Variants in JMJD1C observed in about 807,000 individuals in gnomAD.
JMJD1C encodes the protein jumonji domain-containing protein 1C.
A neutral mutation model predicts 245.3 loss-of-function variants in JMJD1C; 31 were observed. That is an observed-to-expected ratio of 0.13 (90% CI 0.09 to 0.17). The LOEUF (loss-of-function observed/expected upper bound fraction) is 0.17. JMJD1C is among the 10% of genes least tolerant of loss of function. The pLI, the probability that JMJD1C is intolerant of heterozygous loss-of-function variation, is 1.00. For missense variants in JMJD1C, 2,691 were observed against 3,000.2 expected (o/e 0.90, Z 2.41); for synonymous variants, 1,057 against 1,017.4 (o/e 1.04, Z -0.74).
At chr10:63,470,884 TTCTC>T (rs1443374324), upstream of JMJD1C, among the ~76,000 whole-genome samples, 2 of 152,178 alleles carry the variant, frequency 1.3e-5, no homozygotes. Context: ...CAACATTCTC[TTCTC>T]TATTAAAAAC....
chr10:63,411,626 G>T (rs377474879), intron 1 of JMJD1C, among the ~76,000 whole-genome samples: 1 of 133,628 alleles, frequency 7.5e-6, no homozygotes, highest in Non-Finnish European at 1.6e-5. Context: ...TTTTTGAGGC[G>T]GAGTGTTACT....
chr10:63,205,048 C>G, intron 10 of JMJD1C: 1 of 984,306 alleles, frequency 1.0e-6, no homozygotes, highest in Non-Finnish European at 1.2e-6. Context: ...AAGAAATAAG[C>G]AAACTGAGAA....
At chr10:63,228,613 CA>C (rs1309933115) in intron 3 of JMJD1C, among the ~76,000 whole-genome samples, 2 of 152,136 alleles carry the variant, frequency 1.3e-5, no homozygotes. Context: ...AACAACAAAA[CA>C]GAACAACCAG....
intron 2 of JMJD1C, among the ~76,000 whole-genome samples, chr10:63,358,371 TATGAC>T (rs1945041308): frequency 6.6e-6 from 1 of 151,170 alleles, no homozygotes; most frequent in Non-Finnish European, 1.5e-5. Flanking sequence ...AACAATGAAA[TATGAC>T]ATAACAATTT....
chr10:63,263,793 G>A (rs1410801408), intron 3 of JMJD1C, among the ~76,000 whole-genome samples: 7 of 151,906 alleles, frequency 4.6e-5, no homozygotes, highest in African/African-American at 9.7e-5. Flanking sequence ...TTAGCTGGGC[G>A]TGGTGGTGTG....
At chr10:63,513,586 T>C (rs1329563278) in intron 1 of JMJD1C, among the ~76,000 whole-genome samples, 1 of 152,138 alleles carries the variant, frequency 6.6e-6, no homozygotes, top group African/African-American at 2.4e-5. Flanking sequence ...ATATCCAGAA[T>C]TGATAATGAA....
chr10:63,485,837 G>C (rs1472346107), intron 1 of JMJD1C, among the ~76,000 whole-genome samples: 1 of 152,154 alleles, frequency 6.6e-6, no homozygotes. Context: ...GCCAGGTACT[G>C]TTGCCTTGTA....
chr10:63,396,217 A>G (rs1011729087), intron 1 of JMJD1C, among the ~76,000 whole-genome samples: 3 of 152,194 alleles, frequency 2.0e-5, no homozygotes, highest in Admixed American at 6.5e-5. Flanking sequence ...TATACTATAC[A>G]TTCTAAATCT....
Position 63,191,005 on chromosome 10 carries a change from A to C in JMJD1C, c.6180T>G (p.Asn2060Lys). Residue 2060 changes from asparagine to lysine, a missense_variant, in exon 17 of 26, where the codon AAT becomes AAG. Asn to Lys is a moderately conservative substitution (Grantham distance 94). This residue lies in a region of JMJD1C where 275 missense variants were observed against 285.5 expected (regional missense o/e 0.96). Transcript: ENST00000399262. Reference sequence around the variant, plus strand: ...AATCCCGTAAGGTTGAGCCTTGTTCATTATTCTGGGACACAAGAGGTGATG... The same window carrying C: ...AATCCCGTAAGGTTGAGCCTTGTTCCTTATTCTGGGACACAAGAGGTGATG... ...GRTSPLVSQN[N>K]EQGSTLRDLL... The C allele has an allele frequency of 6.2e-7, 1 of 1,614,148 alleles. No individual in the cohort carries two copies. The highest frequency in any genetic ancestry group is 1.3e-5 in the African/African-American group (1 of 75,044).
At chr10:63,277,037 A>G (rs1856850519) in intron 2 of JMJD1C, among the ~76,000 whole-genome samples, 1 of 150,692 alleles carries the variant, frequency 6.6e-6, no homozygotes, top group African/African-American at 2.4e-5. Context: ...ACCCACCACC[A>G]CGCCCAGCTA....
Position 63,191,130 on chromosome 10 carries a change from A to G in JMJD1C, c.6077-22T>C, listed in dbSNP as rs537684174. 23 of 1,589,306 alleles carry G rather than the reference A, an allele frequency of 1.4e-5. No homozygotes were observed. The African/African-American group carries it at 3.0e-4, about 20-fold the overall frequency. On this transcript the variant is annotated intron_variant, in intron 16 of 25. Coordinates refer to ENST00000399262, the MANE Select transcript of JMJD1C (RefSeq NM_032776.3). Reference sequence around the variant, plus strand: ...TTTTCTGAAATAGAAAATTTCACAGATTTTGTTTTGTTTTGTTTTGAGACG... The same window carrying G: ...TTTTCTGAAATAGAAAATTTCACAGGTTTTGTTTTGTTTTGTTTTGAGACG...
At chr10:63,496,414 T>G (rs1340583066) in intron 1 of JMJD1C, among the ~76,000 whole-genome samples, 1 of 152,148 alleles carries the variant, frequency 6.6e-6, no homozygotes, top group East Asian at 1.9e-4. Context: ...TAGGGGTAGC[T>G]CTCCTCTTCC....
chr10:63,239,289 C>T (rs1048017760), intron 3 of JMJD1C, among the ~76,000 whole-genome samples: 2 of 152,128 alleles, frequency 1.3e-5, no homozygotes, highest in Non-Finnish European at 2.9e-5. Context: ...AACTGAAAGA[C>T]TGTAGTTTGG....
intron 4 of JMJD1C, among the ~76,000 whole-genome samples, chr10:63,218,975 T>C (rs1056238855): frequency 6.6e-6 from 1 of 152,146 alleles, no homozygotes; most frequent in African/African-American, 2.4e-5. Flanking sequence ...AAAAAATGGA[T>C]AGAATAGGGT....
At chr10:63,355,947 T>C (rs1414882972) in intron 2 of JMJD1C, among the ~76,000 whole-genome samples, 1 of 152,182 alleles carries the variant, frequency 6.6e-6, no homozygotes, top group East Asian at 1.9e-4. Flanking sequence ...TTCTCTAAAA[T>C]AAATTCATCT....
intron 1 of JMJD1C, among the ~76,000 whole-genome samples, chr10:63,499,099 C>A (rs1954456075): frequency 6.6e-6 from 1 of 152,164 alleles, no homozygotes; most frequent in South Asian, 2.1e-4. Context: ...TATGTATATA[C>A]CACATTTCCT....
chr10:63,422,394 CTGTCTCA>C (rs1203863122), intron 1 of JMJD1C, among the ~76,000 whole-genome samples: 1 of 152,164 alleles, frequency 6.6e-6, no homozygotes, highest in Non-Finnish European at 1.5e-5. Context: ...GAGCAGGACT[CTGTCTCA>C]TGTCTCATTT....
intron 1 of JMJD1C, chr10:63,521,540 G>C (rs904199841): frequency 1.6e-5 from 22 of 1,386,510 alleles, no homozygotes; most frequent in Middle Eastern, 2.1e-4. Context: ...CCAAGCCCCC[G>C]TGAAGATGGT....
In JMJD1C at chr10:63,365,019, T is replaced by C. The variant is rs143295453; in HGVS notation, c.333+15299A>G. On this transcript the variant is annotated intron_variant, in intron 2 of 25. Transcript: ENST00000399262. ...TAACACAAGACCCTTTATGATTTGA[T>C]CACCGCTTACTCCACTCCATCACAA... Among the ~76,000 whole-genome samples, 25 of 152,336 alleles carry C rather than the reference T, an allele frequency of 1.6e-4. No individual in the cohort carries two copies. In the East Asian group the frequency reaches 4.4e-3, roughly 27 times the overall value.
Sources: allele counts gnomAD v4.1 joint callset (sites outside exome capture counted in the v4.1 genomes callset), GRCh38; gene constraint gnomAD v4.1.1; regional missense constraint gnomAD v4.1.1; transcripts MANE v1.5; gene names NCBI Gene and HGNC (gene_info 2026-07-23, HGNC 2026-07-21).